ALK: variants seen among roughly 807,000 people sequenced by gnomAD.
ALK encodes the protein ALK receptor tyrosine kinase, also known as ALK tyrosine kinase receptor.
ALK carries 74 observed loss-of-function variants against 163.1 expected under a neutral mutation model. That is an observed-to-expected ratio of 0.45 (90% CI 0.38 to 0.55). The LOEUF (loss-of-function observed/expected upper bound fraction) is 0.55, where lower values mean the gene tolerates loss of function less well. Ranked by LOEUF, ALK falls within the 20% of genes least tolerant of loss-of-function variation. The pLI is 0.00. For synonymous variants in ALK, 960 were observed against 843.2 expected (o/e 1.14, Z -2.40); for missense variants, 2,063 against 2,105.3 (o/e 0.98, Z 0.39).
intron 3 of ALK, among the ~76,000 whole-genome samples, chr2:29,567,025 A>G (rs918377750): frequency 6.6e-6 from 1 of 152,248 alleles, no homozygotes; most frequent in African/African-American, 2.4e-5. Flanking sequence ...ATTTTCTACA[A>G]TGAATATGTT....
At chr2:29,597,723 C>G (rs1320215048) in intron 3 of ALK, among the ~76,000 whole-genome samples, 1 of 152,212 alleles carries the variant, frequency 6.6e-6, no homozygotes, top group Non-Finnish European at 1.5e-5. Context: ...AGCTGCTTAG[C>G]TGGAGTCATG....
chr2:29,398,236 A>G (rs1669359389), intron 4 of ALK, among the ~76,000 whole-genome samples: 1 of 152,168 alleles, frequency 6.6e-6, no homozygotes, highest in Non-Finnish European at 1.5e-5. Context: ...ATACAGTAAG[A>G]AAGCCCCAAA....
chr2:29,858,836 C>T (rs951660657), intron 1 of ALK, among the ~76,000 whole-genome samples: 2 of 151,940 alleles, frequency 1.3e-5, no homozygotes, highest in African/African-American at 4.8e-5. Flanking sequence ...GTCAGGAATT[C>T]GAGACCAGCC....
At chr2:29,901,661 G>A (rs1667416960) in intron 1 of ALK, among the ~76,000 whole-genome samples, 1 of 152,154 alleles carries the variant, frequency 6.6e-6, no homozygotes, top group Non-Finnish European at 1.5e-5. Context: ...GCTGTCCAGG[G>A]AACTGAGAAT....
intron 4 of ALK, among the ~76,000 whole-genome samples, chr2:29,468,691 A>T (rs1671272190): frequency 1.3e-5 from 2 of 150,226 alleles, no homozygotes; most frequent in Non-Finnish European, 3.0e-5. Flanking sequence ...TCTACAAAAA[A>T]TTTGAAAAAA....
At chr2:29,510,852 G>A (rs1223893368) in intron 4 of ALK, among the ~76,000 whole-genome samples, 4 of 152,236 alleles carry the variant, frequency 2.6e-5, no homozygotes, top group Admixed American at 1.3e-4. Flanking sequence ...TCATGAGGAA[G>A]GTGATTCGTG....
rs1664686868 is a variant in ALK at position 29,246,839 on chromosome 2, C to T, written c.2204+4266G>A. Among the ~76,000 whole-genome samples the T allele has an allele frequency of 1.3e-5, 2 of 152,188 alleles. No homozygotes were observed. The highest frequency in any genetic ancestry group is 2.9e-5 in the Non-Finnish European group (2 of 68,034). On this transcript the variant is annotated intron_variant, in intron 12 of 28. Transcript: ENST00000389048. The surrounding 1 kb of genome is among the most constrained non-coding windows in gnomAD (Gnocchi z 4.3). ...CCAACTGCTCTCCCCACCTCCAGGC[C>T]GTTTCTCTCACTTCCACCCTCATGC...
At chr2:29,609,818 C>G (rs1043866189) in intron 3 of ALK, among the ~76,000 whole-genome samples, 1 of 151,922 alleles carries the variant, frequency 6.6e-6, no homozygotes, top group South Asian at 2.1e-4. Flanking sequence ...TAGTTTTAAT[C>G]TTTTGTAGGG....
Position 29,436,919 on chromosome 2 carries a change from A to C in ALK, c.1155-53060T>G, listed in dbSNP as rs1273640708. Among the ~76,000 whole-genome samples, 4 of 152,312 alleles carry C rather than the reference A, an allele frequency of 2.6e-5. No individual in the cohort carries two copies. In the East Asian group the frequency reaches 5.8e-4, roughly 22 times the overall value. ...CCACTTAGGGAGCACAGGCCCGAAGATCTGTATGACATGGAACTCAGCAGG... is the reference window on the plus strand; with the variant it reads ...CCACTTAGGGAGCACAGGCCCGAAGCTCTGTATGACATGGAACTCAGCAGG... On this transcript the variant is annotated intron_variant, in intron 4 of 28. Coordinates refer to ENST00000389048, the MANE Select transcript of ALK (RefSeq NM_004304.5).
At chr2:29,240,894 G>C (rs1664506110) in intron 12 of ALK, among the ~76,000 whole-genome samples, 1 of 152,222 alleles carries the variant, frequency 6.6e-6, no homozygotes, top group Non-Finnish European at 1.5e-5. Flanking sequence ...AAACCAGGAA[G>C]AGATGCAAGG....
chr2:29,798,787 C>A (rs1382562174), intron 1 of ALK, among the ~76,000 whole-genome samples: 1 of 152,080 alleles, frequency 6.6e-6, no homozygotes, highest in African/African-American at 2.4e-5. Flanking sequence ...TACCCAGAAA[C>A]CTCAATCCTA....
intron 3 of ALK, among the ~76,000 whole-genome samples, chr2:29,619,837 T>G (rs997225316): frequency 1.3e-5 from 2 of 152,126 alleles, no homozygotes; most frequent in Non-Finnish European, 2.9e-5. Flanking sequence ...CTTCTGACAA[T>G]GGGAAGGATG....
At chr2:29,859,578 A>G (rs1184674869) in intron 1 of ALK, among the ~76,000 whole-genome samples, 2 of 152,222 alleles carry the variant, frequency 1.3e-5, no homozygotes, top group Non-Finnish European at 1.5e-5. Context: ...GTGGAAGAAG[A>G]AAACCTGAGT....
intron 2 of ALK, among the ~76,000 whole-genome samples, chr2:29,701,360 G>T (rs1215297753): frequency 6.6e-6 from 1 of 152,122 alleles, no homozygotes; most frequent in Non-Finnish European, 1.5e-5. Context: ...CTCCAACATT[G>T]CCCAGTTTCC....
rs76610921 is a variant in ALK, at chr2:29,648,130, T to C, written c.952+46720A>G. ...TCTCTGCACGCTGTTTTGCACCTCA[T>C]TGACTTTGCTCATGCAGTTCCCTTG... On this transcript the variant is annotated intron_variant, in intron 3 of 28. Transcript: ENST00000389048. Among the ~76,000 whole-genome samples the C allele has an allele frequency of 7.8e-3, 1,191 of 152,286 alleles. 16 individuals are homozygous for C. Among genetic ancestry groups the C allele is most frequent in the African/African-American group, 0.027 (1,106 of 41,562 alleles).
At chr2:29,780,680 T>A (rs1254225646) in intron 1 of ALK, among the ~76,000 whole-genome samples, 6 of 152,188 alleles carry the variant, frequency 3.9e-5, no homozygotes, top group Admixed American at 3.9e-4. Context: ...CTTGACGGGC[T>A]ACGTTAGCAC....
At chr2:29,901,942 G>A (rs1667423136) in intron 1 of ALK, among the ~76,000 whole-genome samples, 1 of 152,214 alleles carries the variant, frequency 6.6e-6, no homozygotes, top group South Asian at 2.1e-4. Context: ...GGGAAGCAGA[G>A]GGGAGGGGGA....
At chr2:29,665,274 A>T (rs1278357235) in intron 3 of ALK, among the ~76,000 whole-genome samples, 1 of 151,818 alleles carries the variant, frequency 6.6e-6, no homozygotes, top group Non-Finnish European at 1.5e-5. Context: ...GGCGTGAACC[A>T]CCATGCCTGG....
At chr2:29,438,272 G>A (rs1670453632) in intron 4 of ALK, among the ~76,000 whole-genome samples, 1 of 152,240 alleles carries the variant, frequency 6.6e-6, no homozygotes, top group Admixed American at 6.5e-5. Flanking sequence ...TTAGATGTAA[G>A]TTCAAAGTTC....
Sources: allele counts gnomAD v4.1 joint callset (sites outside exome capture counted in the v4.1 genomes callset), GRCh38; gene constraint gnomAD v4.1.1; non-coding constraint Gnocchi (gnomAD v3.1); transcripts MANE v1.5; gene names NCBI Gene and HGNC (gene_info 2026-07-23, HGNC 2026-07-21).